Variants in VPS26B observed in about 807,000 individuals in gnomAD.
VPS26B encodes the protein VPS26 retromer complex component B.
In VPS26B, 10 loss-of-function variants were observed where a neutral mutation model predicts 33.3. That is an observed-to-expected ratio of 0.30 (90% CI 0.19 to 0.51). The LOEUF is 0.51. VPS26B is among the 20% of genes least tolerant of loss of function. The pLI is 0.98. For synonymous variants in VPS26B, 190 were observed against 176.9 expected, an observed-to-expected ratio of 1.07 and a Z score of -0.59; for missense variants, 317 against 452.7, an observed-to-expected ratio of 0.70 and a Z score of 2.72.
chr11:134,226,366 A>T (rs79358130), intron 1 of VPS26B, among the ~76,000 whole-genome samples: 11 of 152,100 alleles, frequency 7.2e-5, no homozygotes, highest in Non-Finnish European at 4.4e-5. Context: ...TGATAACACC[A>T]CAGCACTCCA....
In VPS26B at chr11:134,245,302, G is replaced by A. The variant is rs762965094; in HGVS notation, c.865-142G>A. 12 of 1,348,236 alleles carry A rather than the reference G, an allele frequency of 8.9e-6. No homozygotes were observed. The highest frequency in any genetic ancestry group is 2.8e-5 in the South Asian group (2 of 71,612). 83.5% of individuals were successfully genotyped at this position (1,348,236 alleles called of 1,614,324 possible). A position where few individuals can be genotyped will look rare whatever the true frequency, so the allele number is the denominator to read the frequency against. ...TGGCCCACACCAGGGACAGGGAGGTGCTGGCAGCTGCTGCCTTTGGTGAGA... is the reference window on the plus strand; with the variant it reads ...TGGCCCACACCAGGGACAGGGAGGTACTGGCAGCTGCTGCCTTTGGTGAGA... On this transcript the variant is annotated intron_variant, in intron 5 of 5. Transcript: ENST00000281187. The surrounding 1 kb of genome is among the most constrained non-coding windows in gnomAD (Gnocchi z 4.7).
At position 134,244,188 on chromosome 11, in the gene VPS26B, G is replaced by A. The variant is rs1309623147; in HGVS notation, c.722-750G>A. 6.6e-6 allele frequency: 1 copy of A among 152,138 alleles called. No individual in the cohort carries two copies. The highest frequency in any genetic ancestry group is 1.9e-4 in the East Asian group (1 of 5,196). 9.4% of individuals were successfully genotyped at this position (152,138 alleles called of 1,614,324 possible). A position where few individuals can be genotyped will look rare whatever the true frequency, so the allele number is the denominator to read the frequency against. ...AATAGAGCCAGCTGTCATTTTTCCT[G>A]TACAAATGAAATGGGTCACTGAGAA... On this transcript the variant is annotated intron_variant, in intron 4 of 5. Transcript: ENST00000281187. The surrounding 1 kb of genome is among the most constrained non-coding windows in gnomAD (Gnocchi z 4.0).
rs1938410347 is a variant in VPS26B, at chr11:134,224,981, G to T, written c.-142G>T. 1.1e-5 allele frequency: 7 copies of T among 622,076 alleles called. No homozygotes were observed. In the Admixed American group the frequency reaches 1.9e-4, roughly 17 times the overall value. The allele number at this position is 622,076 out of a possible 1,614,324, so 38.5% of individuals were successfully genotyped here. On this transcript the variant is annotated 5_prime_UTR_variant, in exon 1 of 6. Transcript: ENST00000281187. The stretch of plus-strand genomic sequence containing the variant: ...GGCTGTCCGTCGGCGCCCACTGCCC[G>T]GCGGCAGCGGCGGAGCCAGGCAGCC...
intron 1 of VPS26B, among the ~76,000 whole-genome samples, chr11:134,226,553 C>G (rs966865540): frequency 6.6e-6 from 1 of 152,174 alleles, no homozygotes; most frequent in African/African-American, 2.4e-5. Context: ...TGCTTGGGTA[C>G]TTTTAAAATA....
chr11:134,242,450 C>T (rs758196997), intron 3 of VPS26B, among the ~76,000 whole-genome samples: 2 of 152,250 alleles, frequency 1.3e-5, no homozygotes, highest in African/African-American at 2.4e-5. Flanking sequence ...AGCTGAGCAT[C>T]AGGTTTTAAG....
chr11:134,234,618 T>A (rs1278621003), intron 1 of VPS26B, among the ~76,000 whole-genome samples: 2 of 152,206 alleles, frequency 1.3e-5, no homozygotes, highest in African/African-American at 4.8e-5. Context: ...CTCCCATGAC[T>A]TACCCTTATT....
intron 1 of VPS26B, among the ~76,000 whole-genome samples, chr11:134,226,524 C>G (rs1052306952): frequency 2.6e-5 from 4 of 152,150 alleles, no homozygotes; most frequent in Non-Finnish European, 5.9e-5. Context: ...CTTATTTAGA[C>G]TCTTGTGTAT....
chr11:134,226,040 G>A (rs1938460849), intron 1 of VPS26B, among the ~76,000 whole-genome samples: 1 of 152,188 alleles, frequency 6.6e-6, no homozygotes, highest in Non-Finnish European at 1.5e-5. Context: ...CAAAGAAATG[G>A]TGTTTCTAAA....
chr11:134,243,563 A>C, intron 4 of VPS26B: 1 of 404,672 alleles, frequency 2.5e-6, no homozygotes, highest in Non-Finnish European at 4.4e-6. Flanking sequence ...ATTGAACCTC[A>C]AGCGTCACTT....
Position 134,225,251 on chromosome 11 carries a change from G to A in VPS26B, c.129G>A (p.Gly43=), listed in dbSNP as rs1381736598. The A allele has an allele frequency of 3.7e-6, 6 of 1,614,052 alleles. No individual in the cohort carries two copies. In the African/African-American group the frequency reaches 6.7e-5, roughly 18 times the overall value. ...KKEKYFLFYD[G]ETVSGKVSLA... ...AGAAATATTTCCTCTTCTACGACGG[G>A]GAGACGGTCTCCGGGAAGGTGAGCC... Residue 43 remains glycine, a synonymous_variant, in exon 1 of 6, where the codon GGG becomes GGA. Transcript: ENST00000281187.
At chr11:134,227,595 T>C (rs1232703562) in intron 1 of VPS26B, among the ~76,000 whole-genome samples, 1 of 152,208 alleles carries the variant, frequency 6.6e-6, no homozygotes, top group Non-Finnish European at 1.5e-5. Flanking sequence ...CCATCATCCC[T>C]GCTGAATTTT....
At chr11:134,239,422 C>A (rs1222867435) in intron 2 of VPS26B, among the ~76,000 whole-genome samples, 4 of 152,204 alleles carry the variant, frequency 2.6e-5, no homozygotes. Flanking sequence ...GTGCTTAGCT[C>A]AGTAAATGTT....
chr11:134,227,229 T>A (rs1354419637), intron 1 of VPS26B, among the ~76,000 whole-genome samples: 1 of 152,266 alleles, frequency 6.6e-6, no homozygotes, highest in Non-Finnish European at 1.5e-5. Flanking sequence ...ATAAACAGGA[T>A]GAGTCCAAAG....
chr11:134,235,864 T>C (rs983397539), intron 2 of VPS26B, among the ~76,000 whole-genome samples: 4 of 152,208 alleles, frequency 2.6e-5, no homozygotes, highest in South Asian at 2.1e-4. Flanking sequence ...TATGTGATGC[T>C]ACTGGGATAA....
intron 1 of VPS26B, among the ~76,000 whole-genome samples, chr11:134,230,474 T>G (rs1443378159): frequency 6.6e-6 from 1 of 152,216 alleles, no homozygotes; most frequent in Admixed American, 6.5e-5. Flanking sequence ...CTGCCTTTGT[T>G]GTGGAGGAGG....
In VPS26B at chr11:134,225,178, CAG is replaced by C; in HGVS notation, c.61_62del (p.Ser21Ter). The C allele has an allele frequency of 1.2e-6, 2 of 1,614,090 alleles. No homozygotes were observed. Among genetic ancestry groups the C allele is most frequent in the Non-Finnish European group, 1.7e-6 (2 of 1,179,966 alleles). On this transcript the variant is annotated frameshift_variant, in exon 1 of 6. Transcript: ENST00000281187. LOFTEE classifies it high-confidence loss of function. ...GAGGTGGAAATCCTTCTGAACGATG[CAG>C]AGAGTAGGAAGCGGGCCGAGCACAA...
chr11:134,237,744 G>T (rs970694257), intron 2 of VPS26B, among the ~76,000 whole-genome samples: 2 of 152,184 alleles, frequency 1.3e-5, no homozygotes, highest in East Asian at 1.9e-4. Flanking sequence ...AGGGCTGCTG[G>T]ATTTGGCAGC....
chr11:134,245,931 G>C lies in VPS26B; in HGVS notation c.*341G>C, dbSNP rs568400357. On this transcript the variant is annotated 3_prime_UTR_variant, in exon 6 of 6. Coordinates refer to ENST00000281187, the MANE Select transcript of VPS26B (RefSeq NM_052875.5). This position sits in a 1 kb window ranked among gnomAD's most constrained non-coding sequence, Gnocchi z 4.7. ...ACGCATCCTTGGCTCCTGGCTCTCT[G>C]AGCTTCCTGATACAGGATCTGAGCA... The C allele has an allele frequency of 3.6e-4, 93 of 261,290 alleles. No individual in the cohort carries two copies. The highest frequency in any genetic ancestry group is 2.4e-4 in the Non-Finnish European group (32 of 132,786). The allele number at this position is 261,290 out of a possible 1,614,324, so 16.2% of individuals were successfully genotyped here.
At chr11:134,227,710 C>T (rs752992512) in intron 1 of VPS26B, among the ~76,000 whole-genome samples, 12 of 152,150 alleles carry the variant, frequency 7.9e-5, no homozygotes, top group African/African-American at 1.2e-4. Flanking sequence ...CTCTGGGCCT[C>T]GGCTTTCTCA....
Sources: allele counts gnomAD v4.1 joint callset (sites outside exome capture counted in the v4.1 genomes callset), GRCh38; gene constraint gnomAD v4.1.1; non-coding constraint Gnocchi (gnomAD v3.1); transcripts MANE v1.5; gene names NCBI Gene and HGNC (gene_info 2026-07-23, HGNC 2026-07-21).